Variants in MARK3 observed in about 807,000 individuals in gnomAD.
MARK3 encodes the protein microtubule affinity regulating kinase 3, also known as MAP/microtubule affinity-regulating kinase 3.
Under a neutral mutation model 90.1 loss-of-function variants are expected in MARK3, and 46 were observed. The observed-to-expected ratio is 0.51, with a 90% CI of 0.40 to 0.65. MARK3 has a LOEUF of 0.65. Among genes scored for constraint, MARK3 ranks in the 30% least tolerant of loss-of-function variants. MARK3 has a pLI of 0.00. For synonymous variants in MARK3, 321 were observed against 332.6 expected (o/e 0.97, Z 0.38); for missense variants, 818 against 947.2 (o/e 0.86, Z 1.79).
At chr14:103,391,232 G>A (rs984732145) in intron 1 of MARK3, among the ~76,000 whole-genome samples, 6 of 152,030 alleles carry the variant, frequency 3.9e-5, no homozygotes, top group Admixed American at 3.9e-4. Context: ...AGAATTACCC[G>A]GCCTAAAATG....
At chr14:103,467,707 T>A (rs951818933) in intron 11 of MARK3, 1 of 122,382 alleles carries the variant, frequency 8.2e-6, no homozygotes, top group Non-Finnish European at 1.6e-5. Flanking sequence ...AGATGGATGT[T>A]GTCATAAACC....
chr14:103,430,780 T>C (rs1310761013), intron 3 of MARK3, among the ~76,000 whole-genome samples: 1 of 152,230 alleles, frequency 6.6e-6, no homozygotes, highest in Non-Finnish European at 1.5e-5. Flanking sequence ...ATTGATATTA[T>C]TTTCACAGAT....
chr14:103,458,593 GAT>G (rs1011518469), intron 6 of MARK3: 1 of 472,526 alleles, frequency 2.1e-6, no homozygotes, highest in African/African-American at 2.0e-5. Flanking sequence ...GCCAACCCCT[GAT>G]TTAGACGAAG....
intron 3 of MARK3, among the ~76,000 whole-genome samples, chr14:103,434,842 C>T (rs1404991519): frequency 6.6e-6 from 1 of 152,110 alleles, no homozygotes; most frequent in Non-Finnish European, 1.5e-5. Context: ...GCGTTTTTTG[C>T]TTCTAATTTC....
intron 2 of MARK3, among the ~76,000 whole-genome samples, chr14:103,414,405 A>G (rs1185181086): frequency 6.6e-6 from 1 of 152,024 alleles, no homozygotes; most frequent in South Asian, 2.1e-4. Context: ...GAGTTTCTCC[A>G]TGTTGGTCAG....
At chr14:103,479,882 C>T (rs1355362022) in intron 13 of MARK3, among the ~76,000 whole-genome samples, 4 of 152,140 alleles carry the variant, frequency 2.6e-5, no homozygotes, top group Non-Finnish European at 1.5e-5. Context: ...TCAGGAGATC[C>T]GCCCACCTCT....
chr14:103,427,734 G>C (rs62007683), intron 2 of MARK3, among the ~76,000 whole-genome samples: 1 of 151,934 alleles, frequency 6.6e-6, no homozygotes, highest in Non-Finnish European at 1.5e-5. Flanking sequence ...AAACTGTCAT[G>C]GTGGTGGTGG....
chr14:103,413,248 A>G (rs569331511), intron 2 of MARK3, among the ~76,000 whole-genome samples: 2 of 152,066 alleles, frequency 1.3e-5, no homozygotes, highest in African/African-American at 2.4e-5. Flanking sequence ...TTTTTCATCT[A>G]TGTTTTATAT....
intron 6 of MARK3, among the ~76,000 whole-genome samples, chr14:103,459,214 G>T (rs116518677): frequency 0.013 from 2,045 of 152,260 alleles, 53 homozygotes; most frequent in African/African-American, 0.046. Flanking sequence ...TGAGGAAGGG[G>T]CTGGTGTCAC....
intron 14 of MARK3, among the ~76,000 whole-genome samples, chr14:103,489,033 AT>A (rs2093976853): frequency 6.6e-6 from 1 of 152,132 alleles, no homozygotes; most frequent in East Asian, 1.9e-4. Flanking sequence ...CATTGACAAG[AT>A]TTTGGGCTGT....
chr14:103,478,066 G>A (rs1200256180), intron 13 of MARK3, among the ~76,000 whole-genome samples: 3 of 151,474 alleles, frequency 2.0e-5, no homozygotes, highest in Non-Finnish European at 4.4e-5. Context: ...GGAGGCTGAA[G>A]TGGGCAGATC....
chr14:103,448,894 GTGTTT>G lies in MARK3; in HGVS notation c.298-19_298-15del, dbSNP rs2093061420. On this transcript the variant is annotated intron_variant, in intron 3 of 17. Coordinates refer to ENST00000429436, the MANE Select transcript of MARK3 (RefSeq NM_001128918.3). ...TAATAACTTGTGTTGGGGGGATTATGTGTTTTGTTTGTTTTTTTTTTTAGCTCTTC... is the reference window on the plus strand; with the variant it reads ...TAATAACTTGTGTTGGGGGGATTATGTGTTTGTTTTTTTTTTTAGCTCTTC... The G allele has an allele frequency of 2.6e-6, 4 of 1,540,074 alleles. No homozygotes were observed. Among genetic ancestry groups the G allele is most frequent in the African/African-American group, 1.4e-5 (1 of 71,264 alleles).
chr14:103,435,914 G>A (rs1240871816), intron 3 of MARK3, among the ~76,000 whole-genome samples: 2 of 151,588 alleles, frequency 1.3e-5, no homozygotes, highest in African/African-American at 4.8e-5. Context: ...TTTATGAGAC[G>A]GAGTCTCCCT....
At chr14:103,447,088 G>T (rs1358637131) in intron 3 of MARK3, among the ~76,000 whole-genome samples, 1 of 152,056 alleles carries the variant, frequency 6.6e-6, no homozygotes, top group African/African-American at 2.4e-5. Flanking sequence ...GATAGGAAAG[G>T]TTATTTATCT....
chr14:103,466,942 T>A, intron 10 of MARK3, 137 bp from the exon 11 acceptor site: 1 of 444,498 alleles, frequency 2.2e-6, no homozygotes, highest in Admixed American at 3.9e-5. Context: ...AGGTGGAGGT[T>A]GCGGTGAGCC....
At chr14:103,466,266 AAAAT>A (rs1209597690) in intron 9 of MARK3, 73 bp from the exon 10 acceptor site, 10 of 1,325,586 alleles carry the variant, frequency 7.5e-6, no homozygotes, top group Non-Finnish European at 1.0e-5. Context: ...TGAAATGTTG[AAAAT>A]AAATTTTTGT....
intron 2 of MARK3, among the ~76,000 whole-genome samples, chr14:103,415,760 T>C (rs1232470101): frequency 6.6e-6 from 1 of 152,234 alleles, no homozygotes; most frequent in Non-Finnish European, 1.5e-5. Flanking sequence ...CCTAAAGTAA[T>C]GCATGCACAT....
chr14:103,425,206 C>T (rs1294571295), intron 2 of MARK3, among the ~76,000 whole-genome samples: 1 of 151,428 alleles, frequency 6.6e-6, no homozygotes, highest in Non-Finnish European at 1.5e-5. Context: ...TCCCAAAGTG[C>T]TGAGACTACA....
At chr14:103,479,980 G>C (rs577458525) in intron 13 of MARK3, among the ~76,000 whole-genome samples, 1 of 151,692 alleles carries the variant, frequency 6.6e-6, no homozygotes, top group East Asian at 2.0e-4. Context: ...TGAAGGTGCC[G>C]ATTTTAAAAT....
Sources: allele counts gnomAD v4.1 joint callset (sites outside exome capture counted in the v4.1 genomes callset), GRCh38; gene constraint gnomAD v4.1.1; transcripts MANE v1.5; gene names NCBI Gene and HGNC (gene_info 2026-07-23, HGNC 2026-07-21).